Variants in GLI2 observed in about 807,000 individuals in gnomAD.
GLI2 encodes transcription activator GLI2.
Under a neutral mutation model 78.9 loss-of-function variants are expected in GLI2, and 22 were observed. The observed-to-expected ratio is 0.28, with a 90% CI of 0.20 to 0.40. The LOEUF is 0.40. GLI2 is among the 10% of genes least tolerant of loss of function. The pLI, the probability that GLI2 is intolerant of heterozygous loss-of-function variation, is 1.00. For synonymous variants in GLI2, 974 were observed against 963.7 expected (o/e 1.01, Z -0.20); for missense variants, 2,097 against 2,213.2 (o/e 0.95, Z 1.05).
At chr2:120,898,663 G>T (rs1678098775) in intron 2 of GLI2, among the ~76,000 whole-genome samples, 1 of 152,178 alleles carries the variant, frequency 6.6e-6, no homozygotes. Context: ...GTTTTCGGAG[G>T]ATTCTGTTGG....
At position 120,988,415 on chromosome 2, in the gene GLI2, G is replaced by T; in HGVS notation, c.2450G>T (p.Arg817Leu). Residue 817 changes from arginine to leucine, a missense_variant, in exon 14 of 14, where the codon CGC becomes CTC. This residue lies in a region of GLI2 where 1,290 missense variants were observed against 1,261.7 expected (regional missense o/e 1.02). Coordinates refer to ENST00000361492, the MANE Select transcript of GLI2 (RefSeq NM_001374353.1). ...ATCTCCCCCTACTTCTCCAGCCGCC[G>T]CTCCAGCGAGGCCTCGCCCCTGGGC... ...SGISPYFSSR[R>L]SSEASPLGAG... 6.4e-7 allele frequency: 1 copy of T among 1,573,650 alleles called. No individual in the cohort carries two copies. The highest frequency in any genetic ancestry group is 1.1e-5 in the South Asian group (1 of 87,254).
chr2:120,920,013 G>A (rs1056853131), intron 2 of GLI2, among the ~76,000 whole-genome samples: 1 of 152,252 alleles, frequency 6.6e-6, no homozygotes, highest in Non-Finnish European at 1.5e-5. Flanking sequence ...GGGGCAACTC[G>A]ATTTCTCTCT....
At chr2:120,872,705 C>T (rs568149262) in intron 2 of GLI2, among the ~76,000 whole-genome samples, 1 of 152,348 alleles carries the variant, frequency 6.6e-6, no homozygotes, top group South Asian at 2.1e-4. Context: ...ACAAGATGCT[C>T]AACTTTGCTG....
chr2:120,934,708 T>A (rs1218301306), intron 3 of GLI2, among the ~76,000 whole-genome samples: 2 of 152,170 alleles, frequency 1.3e-5, no homozygotes, highest in African/African-American at 2.4e-5. Context: ...GAGACAGCAT[T>A]AAGAGTGTCT....
intron 3 of GLI2, among the ~76,000 whole-genome samples, chr2:120,931,931 C>T (rs1360644095): frequency 3.9e-5 from 6 of 152,096 alleles, no homozygotes; most frequent in Admixed American, 6.5e-5. Context: ...GGGCTTCCAG[C>T]GGCTCCACAC....
chr2:120,968,953 G>A (rs747694599), intron 6 of GLI2, 38 bp downstream of exon 6: 4 of 1,550,450 alleles, frequency 2.6e-6, no homozygotes, highest in Non-Finnish European at 3.5e-6. Context: ...GAGGACCAGA[G>A]CTGGGCTGAG....
At chr2:120,983,607 G>A (rs1682817277) in intron 11 of GLI2, among the ~76,000 whole-genome samples, 1 of 152,194 alleles carries the variant, frequency 6.6e-6, no homozygotes, top group Non-Finnish European at 1.5e-5. Flanking sequence ...CCAGCAGATG[G>A]GGCACAGAGC....
At chr2:120,762,832 C>T (rs1051756174) in intron 1 of GLI2, among the ~76,000 whole-genome samples, 2 of 152,228 alleles carry the variant, frequency 1.3e-5, no homozygotes. Context: ...GCTAAGGAGA[C>T]ACCTGAGGGC....
intron 2 of GLI2, among the ~76,000 whole-genome samples, chr2:120,813,467 C>T (rs1175859654): frequency 6.6e-6 from 1 of 152,174 alleles, no homozygotes; most frequent in Admixed American, 6.5e-5. Flanking sequence ...CCCTCAGCTG[C>T]GTTGAGTCTT....
intron 2 of GLI2, among the ~76,000 whole-genome samples, chr2:120,906,641 T>A (rs1678548148): frequency 1.3e-5 from 2 of 151,962 alleles, no homozygotes; most frequent in African/African-American, 2.4e-5. Flanking sequence ...CCCCCAGCTC[T>A]GGCCTCCTTT....
At chr2:120,857,758 G>A (rs1280618043) in intron 2 of GLI2, among the ~76,000 whole-genome samples, 1 of 151,900 alleles carries the variant, frequency 6.6e-6, no homozygotes, top group African/African-American at 2.4e-5. Context: ...AGCCCACAGG[G>A]GATCAACCCC....
intron 2 of GLI2, among the ~76,000 whole-genome samples, chr2:120,905,275 G>A (rs2104794679): frequency 6.6e-6 from 1 of 152,250 alleles, no homozygotes; most frequent in African/African-American, 2.4e-5. Flanking sequence ...CTGCTGTGGG[G>A]AAAGTGCTGG....
At chr2:120,790,654 C>T (rs1394880026) in intron 1 of GLI2, among the ~76,000 whole-genome samples, 1 of 152,216 alleles carries the variant, frequency 6.6e-6, no homozygotes, top group African/African-American at 2.4e-5. Flanking sequence ...TTCACACCTT[C>T]CTGAGCTCTG....
chr2:120,855,235 G>T (rs1035152260), intron 2 of GLI2, among the ~76,000 whole-genome samples: 2 of 152,210 alleles, frequency 1.3e-5, no homozygotes, highest in Non-Finnish European at 2.9e-5. Context: ...GTCCCTGGGA[G>T]GTCCCAGAGG....
In GLI2 at chr2:120,737,839, A is replaced by G. The variant is rs532362322; in HGVS notation, c.-31+1554A>G. ...TGGCATGCTCAGGGGGCTCGGTGCC[A>G]AAAAGTAAAGTAAATAAACTGTGAA... On this transcript the variant is annotated intron_variant, in intron 1 of 13. Coordinates refer to ENST00000361492, the MANE Select transcript of GLI2 (RefSeq NM_001374353.1). This position sits in a 1 kb window ranked among gnomAD's most constrained non-coding sequence, Gnocchi z 4.3. Among the ~76,000 whole-genome samples, 1 of 152,368 alleles carries G rather than the reference A, an allele frequency of 6.6e-6. No individual in the cohort carries two copies. The highest frequency in any genetic ancestry group is 2.1e-4 in the South Asian group (1 of 4,826).
At chr2:120,940,677 A>C (rs921922826) in intron 3 of GLI2, among the ~76,000 whole-genome samples, 1 of 152,146 alleles carries the variant, frequency 6.6e-6, no homozygotes, top group African/African-American at 2.4e-5. Flanking sequence ...GAACTATGGG[A>C]TTGAGGGCCT....
intron 3 of GLI2, among the ~76,000 whole-genome samples, chr2:120,947,998 G>A (rs1680794785): frequency 6.6e-6 from 1 of 152,214 alleles, no homozygotes; most frequent in Non-Finnish European, 1.5e-5. Flanking sequence ...GCCCCTGATA[G>A]AATCTGTTCT....
At chr2:120,812,063 T>TG (rs1454145135) in intron 2 of GLI2, among the ~76,000 whole-genome samples, 4 of 152,052 alleles carry the variant, frequency 2.6e-5, no homozygotes, top group Admixed American at 6.6e-5. Flanking sequence ...CAGGGAGAGA[T>TG]GGGGGATCGG....
At chr2:120,937,573 C>T (rs553543268) in intron 3 of GLI2, among the ~76,000 whole-genome samples, 2 of 152,198 alleles carry the variant, frequency 1.3e-5, no homozygotes, top group African/African-American at 2.4e-5. Flanking sequence ...GGCCTCCCCC[C>T]ACGTCCCAGC....
Sources: gnomAD v4.1 joint callset for allele counts (sites outside exome capture counted in the v4.1 genomes callset) on GRCh38, gnomAD v4.1.1 for gene constraint, gnomAD v4.1.1 regional missense constraint, Gnocchi (gnomAD v3.1) non-coding constraint, MANE v1.5 for transcripts, NCBI Gene and HGNC (gene_info 2026-07-23, HGNC 2026-07-21) for gene names.